The following COBL variants were observed in gnomAD, a reference collection of about 807,000 sequenced individuals.
COBL encodes the protein protein cordon-bleu.
COBL carries 51 observed loss-of-function variants against 98.8 expected under a neutral mutation model. The ratio of observed to expected loss-of-function variants is 0.52; its 90% CI spans 0.41 to 0.65. The LOEUF (loss-of-function observed/expected upper bound fraction) is 0.65, where lower values mean the gene tolerates loss of function less well. Among genes scored for constraint, COBL ranks in the 30% least tolerant of loss-of-function variants. COBL has a pLI of 0.00. For synonymous variants in COBL, 634 were observed against 651.7 expected (o/e 0.97, Z 0.41); for missense variants, 1,617 against 1,617.5 (o/e 1.00, Z 0.01).
intron 1 of COBL, among the ~76,000 whole-genome samples, chr7:51,314,239 A>G (rs1263274007): frequency 1.3e-5 from 2 of 152,192 alleles, no homozygotes; most frequent in Non-Finnish European, 1.5e-5. Flanking sequence ...TATACAACAC[A>G]AGGAGGAGTG....
chr7:51,310,146 T>C (rs755130370), intron 1 of COBL, among the ~76,000 whole-genome samples: 26 of 152,262 alleles, frequency 1.7e-4, no homozygotes, highest in Middle Eastern at 3.4e-3. Flanking sequence ...TTTTAAAAGG[T>C]GAAAGACTCA....
intron 1 of COBL, chr7:51,259,778 A>T: frequency 1.3e-6 from 1 of 750,312 alleles, no homozygotes. Context: ...CACTATGGGC[A>T]GCATTTTTAG....
chr7:51,170,563 A>G (rs1260164527), intron 5 of COBL, among the ~76,000 whole-genome samples: 1 of 148,376 alleles, frequency 6.7e-6, no homozygotes, highest in Non-Finnish European at 1.5e-5. Context: ...TATATGTCAC[A>G]TATGTATCAC....
chr7:51,172,081 C>T (rs1222598758), intron 5 of COBL, among the ~76,000 whole-genome samples: 1 of 152,170 alleles, frequency 6.6e-6, no homozygotes, highest in South Asian at 2.1e-4. Flanking sequence ...TCAAAGGCTC[C>T]GTGAACAGAG....
At chr7:51,222,040 T>C (rs1341793987) in intron 1 of COBL, among the ~76,000 whole-genome samples, 1 of 151,764 alleles carries the variant, frequency 6.6e-6, no homozygotes, top group Non-Finnish European at 1.5e-5. Context: ...ATACAAAAAA[T>C]TAGCCAGGCG....
chr7:51,027,616 G>T, intron 10 of COBL, 96 bp downstream of exon 10: 1 of 1,051,932 alleles, frequency 9.5e-7, no homozygotes, highest in South Asian at 1.5e-5. Context: ...TCCTAATCCC[G>T]TCTCTCTCTC....
At chr7:51,142,199 C>A (rs1799822023) in intron 5 of COBL, among the ~76,000 whole-genome samples, 1 of 151,912 alleles carries the variant, frequency 6.6e-6, no homozygotes, top group Non-Finnish European at 1.5e-5. Flanking sequence ...TGGCCAAGTA[C>A]CCCATGGAAT....
intron 2 of COBL, among the ~76,000 whole-genome samples, chr7:51,198,336 C>T (rs1279540076): frequency 1.3e-5 from 2 of 152,160 alleles, no homozygotes; most frequent in Non-Finnish European, 2.9e-5. Context: ...TATTGGCCCC[C>T]AATCTCTTTT....
intron 6 of COBL, among the ~76,000 whole-genome samples, chr7:51,105,706 G>T (rs747477345): frequency 6.6e-6 from 1 of 151,968 alleles, no homozygotes; most frequent in Non-Finnish European, 1.5e-5. Context: ...AGCTGTGATC[G>T]TTCTACTGCA....
At position 51,086,087 on chromosome 7, in the gene COBL, A is replaced by G. The variant is rs745886514; in HGVS notation, c.958-783T>C. On this transcript the variant is annotated intron_variant, in intron 6 of 12. Transcript: ENST00000265136. ...CATTTCTTTGTTTCTGAAGGACTAC[A>G]TAATCCTACTCTCCTCTCCTCCTCA... Among the ~76,000 whole-genome samples, 28 of 152,198 alleles carry G rather than the reference A, an allele frequency of 1.8e-4. 1 individual carries two copies. The highest frequency in any genetic ancestry group is 9.8e-4 in the Admixed American group (15 of 15,276).
intron 7 of COBL, chr7:51,083,322 C>T: frequency 2.3e-6 from 2 of 873,034 alleles, no homozygotes; most frequent in South Asian, 1.8e-5. Flanking sequence ...CCAGATCCAG[C>T]CACACTCAAC....
At chr7:51,066,146 G>T (rs1030976114) in intron 7 of COBL, among the ~76,000 whole-genome samples, 1 of 152,228 alleles carries the variant, frequency 6.6e-6, no homozygotes, top group Non-Finnish European at 1.5e-5. Context: ...GACAGTGTCT[G>T]TGGCTTGACA....
intron 5 of COBL, among the ~76,000 whole-genome samples, chr7:51,182,626 G>C (rs1789087440): frequency 7.1e-6 from 1 of 141,746 alleles, no homozygotes; most frequent in South Asian, 2.4e-4. Flanking sequence ...GACAGGAAAG[G>C]AAGCTAGGAG....
chr7:51,290,617 T>G (rs1187413876), intron 1 of COBL, among the ~76,000 whole-genome samples: 1 of 151,984 alleles, frequency 6.6e-6, no homozygotes, highest in Non-Finnish European at 1.5e-5. Flanking sequence ...TGCTTAAGCC[T>G]TCCTGGGCTC....
chr7:51,212,162 T>C (rs1471092585), intron 2 of COBL, among the ~76,000 whole-genome samples: 4 of 152,342 alleles, frequency 2.6e-5, no homozygotes, highest in African/African-American at 4.8e-5. Context: ...TCTCTGATTT[T>C]AAACTTAATA....
At chr7:51,254,695 T>C (rs957208516) in intron 1 of COBL, among the ~76,000 whole-genome samples, 1 of 152,182 alleles carries the variant, frequency 6.6e-6, no homozygotes, top group Non-Finnish European at 1.5e-5. Context: ...TGAGTTCTTA[T>C]GAGTCCAGCA....
intron 1 of COBL, among the ~76,000 whole-genome samples, chr7:51,240,654 C>A (rs1367477257): frequency 6.6e-6 from 1 of 152,112 alleles, no homozygotes; most frequent in Non-Finnish European, 1.5e-5. Flanking sequence ...TCAAGCAATT[C>A]TCCTGCCTCA....
chr7:51,059,558 A>AG (rs932217692), intron 7 of COBL, among the ~76,000 whole-genome samples: 7 of 126,084 alleles, frequency 5.6e-5, no homozygotes, highest in African/African-American at 2.1e-4. Flanking sequence ...AACAGGGAGA[A>AG]GGGGGGGCCT....
At chr7:51,121,342 C>T (rs1797719924) in intron 6 of COBL, among the ~76,000 whole-genome samples, 1 of 152,090 alleles carries the variant, frequency 6.6e-6, no homozygotes. Flanking sequence ...CTATTTAAGC[C>T]CTTTGCTCAT....
Sources: gnomAD v4.1 joint callset for allele counts (sites outside exome capture counted in the v4.1 genomes callset) on GRCh38, gnomAD v4.1.1 for gene constraint, MANE v1.5 for transcripts, NCBI Gene and HGNC (gene_info 2026-07-23, HGNC 2026-07-21) for gene names.